CDYL: variants seen among roughly 807,000 people sequenced by gnomAD.
CDYL encodes chromodomain Y like, also known as chromodomain Y-like protein.
Under a neutral mutation model 47.3 loss-of-function variants are expected in CDYL, and 8 were observed. The observed-to-expected ratio is 0.17, with a 90% CI of 0.10 to 0.31. The LOEUF (loss-of-function observed/expected upper bound fraction) is 0.31. Among genes scored for constraint, CDYL ranks in the 10% least tolerant of loss-of-function variants. The pLI, the probability that CDYL is intolerant of heterozygous loss-of-function variation, is 1.00. For missense variants in CDYL, 471 were observed against 701.4 expected (o/e 0.67, Z 3.71); for synonymous variants, 266 against 265.0 (o/e 1.00, Z -0.04).
intron 1 of CDYL, chr6:4,890,019 A>G (rs1253317372): frequency 2.0e-6 from 2 of 985,540 alleles, no homozygotes; most frequent in South Asian, 4.7e-5. Flanking sequence ...AAACAAAAGC[A>G]GTGTGCTCCA....
rs534575715 is a variant in CDYL at position 4,734,700 on chromosome 6, A to T, written c.104-62A>T. On this transcript the variant is annotated intron_variant, in intron 2 of 8. Transcript: ENST00000328908. ...GTTGGGGGATGGGGATGGAGGGAAG[A>T]TGGGGATGGGGAAGAGGATGGGTCC... The T allele has an allele frequency of 1.9e-6, 3 of 1,598,202 alleles. No homozygotes were observed. The South Asian group carries it at 3.4e-5, about 18-fold the overall frequency.
intron 2 of CDYL, among the ~76,000 whole-genome samples, chr6:4,893,419 G>A (rs907705349): frequency 7.2e-5 from 11 of 152,214 alleles, no homozygotes; most frequent in Admixed American, 2.0e-4. Flanking sequence ...TTAGCCGGGC[G>A]TGGTGGCTCA....
At chr6:4,780,518 C>A (rs1028799851) in intron 1 of CDYL, among the ~76,000 whole-genome samples, 1 of 151,706 alleles carries the variant, frequency 6.6e-6, no homozygotes, top group Non-Finnish European at 1.5e-5. Context: ...ATCCGCCCAC[C>A]TTGGCCTCCC....
intron 1 of CDYL, among the ~76,000 whole-genome samples, chr6:4,713,532 C>T (rs1002878617): frequency 5.3e-5 from 8 of 151,646 alleles, no homozygotes; most frequent in African/African-American, 9.7e-5. Context: ...GCAGGTATTT[C>T]AGTATGACTT....
intron 2 of CDYL, among the ~76,000 whole-genome samples, chr6:4,921,750 C>T (rs1275724206): frequency 1.3e-5 from 2 of 152,146 alleles, no homozygotes; most frequent in African/African-American, 2.4e-5. Flanking sequence ...TATTTGGCCA[C>T]CTCCGTTTCT....
chr6:4,807,208 T>C (rs80262605), intron 1 of CDYL, among the ~76,000 whole-genome samples: 1,539 of 152,306 alleles, frequency 0.01, 38 homozygotes, highest in African/African-American at 0.035. Flanking sequence ...GGCTTCAATA[T>C]AGGAGTTTTA....
chr6:4,919,361 C>G (rs536069304), intron 2 of CDYL, among the ~76,000 whole-genome samples: 1 of 152,188 alleles, frequency 6.6e-6, no homozygotes, highest in Middle Eastern at 3.4e-3. Flanking sequence ...CTAAGATAGC[C>G]TCAAAATTGG....
chr6:4,765,745 G>C (rs1352597044), intron 3 of CDYL, among the ~76,000 whole-genome samples: 5 of 152,000 alleles, frequency 3.3e-5, no homozygotes, highest in Non-Finnish European at 7.4e-5. Context: ...TGTATTTTTA[G>C]CACAGATGGG....
rs923457060 is a variant in CDYL, at chr6:4,706,735, G to A, written c.-39+484G>A. Among the ~76,000 whole-genome samples the A allele has an allele frequency of 2.0e-5, 3 of 152,184 alleles. No homozygotes were observed. In the South Asian group the frequency reaches 6.2e-4, roughly 32 times the overall value. ...ATCCTGGAGGCAGAGCCTGCAGTGA[G>A]TCGAGATGGCACCACTGCACTCCAG... On this transcript the variant is annotated intron_variant, in intron 1 of 8. Transcript: ENST00000328908.
intron 1 of CDYL, among the ~76,000 whole-genome samples, chr6:4,806,526 T>C (rs1357059487): frequency 6.6e-6 from 1 of 152,230 alleles, no homozygotes; most frequent in Non-Finnish European, 1.5e-5. Context: ...TCCTGAGTGT[T>C]AACATCTTCT....
chr6:4,737,263 C>T (rs1305176647), intron 3 of CDYL, among the ~76,000 whole-genome samples: 2 of 152,004 alleles, frequency 1.3e-5, no homozygotes, highest in African/African-American at 2.4e-5. Flanking sequence ...ATAGAAGGAA[C>T]GATGGGGGAA....
At chr6:4,904,978 G>T (rs1176974720) in intron 2 of CDYL, among the ~76,000 whole-genome samples, 4 of 152,138 alleles carry the variant, frequency 2.6e-5, no homozygotes. Flanking sequence ...TGTGTGATCG[G>T]CCGTCCCTAT....
intron 2 of CDYL, among the ~76,000 whole-genome samples, chr6:4,724,215 ATTTT>A (rs35194498): frequency 6.8e-6 from 1 of 146,488 alleles, no homozygotes; most frequent in African/African-American, 2.5e-5. Flanking sequence ...TAATTTTTGT[ATTTT>A]TTTTTTTTAA....
chr6:4,748,360 A>G (rs1398930190), intron 3 of CDYL, among the ~76,000 whole-genome samples: 1 of 152,042 alleles, frequency 6.6e-6, no homozygotes, highest in East Asian at 1.9e-4. Flanking sequence ...TTCCAGGTGA[A>G]AAACATCATT....
At chr6:4,854,121 G>A (rs1387219471) in intron 1 of CDYL, among the ~76,000 whole-genome samples, 1 of 152,098 alleles carries the variant, frequency 6.6e-6, no homozygotes, top group Non-Finnish European at 1.5e-5. Context: ...CAGTGACAAA[G>A]CTGGGCCTGA....
rs376206066 is a variant in CDYL at position 4,935,524 on chromosome 6, C to T, written c.701C>T (p.Pro234Leu). 31 of 1,613,986 alleles carry T rather than the reference C, an allele frequency of 1.9e-5. No homozygotes were observed. The highest frequency in any genetic ancestry group is 8.9e-5 in the East Asian group (4 of 44,898). ...TTCAAACTCTCGGCAGGTACATCTC[C>T]GTTCATGGATGCATTAACAGCCAAT... ...GLAVNGKGTS[P>L]FMDALTANGT... The change falls in exon 3 of 7, where the codon CCG becomes CTG. Residue 234 changes from proline to leucine, a missense_variant. Pro to Leu is a moderately conservative substitution (Grantham distance 98, BLOSUM62 -3). Coordinates refer to ENST00000397588, the MANE Select transcript of CDYL (RefSeq NM_004824.4).
At chr6:4,876,659 A>C (rs1467349282) in intron 1 of CDYL, among the ~76,000 whole-genome samples, 1 of 151,706 alleles carries the variant, frequency 6.6e-6, no homozygotes, top group Admixed American at 6.5e-5. Context: ...CATATACTTT[A>C]GGGAGTATAT....
intron 2 of CDYL, among the ~76,000 whole-genome samples, chr6:4,910,232 C>T (rs1757371054): frequency 6.6e-6 from 1 of 152,114 alleles, no homozygotes; most frequent in South Asian, 2.1e-4. Context: ...TGTTTATTTA[C>T]TCAGTCTCAC....
At position 4,889,699 on chromosome 6, in the gene CDYL, G is replaced by T. The variant is rs1761989047; in HGVS notation, c.25-2014G>T. Among the ~76,000 whole-genome samples, 5 of 152,154 alleles carry T rather than the reference G, an allele frequency of 3.3e-5. No homozygotes were observed. In the South Asian group the frequency reaches 8.3e-4, roughly 25 times the overall value. ...GCTACTTCCTTGCTATAAGAACAGG[G>T]TTAAGTGATTGGGAGACCAGATGAC... is the stretch of plus-strand genomic sequence containing the variant. On this transcript the variant is annotated intron_variant, in intron 1 of 6. Transcript: ENST00000397588.
Sources: allele counts gnomAD v4.1 joint callset (sites outside exome capture counted in the v4.1 genomes callset), GRCh38; gene constraint gnomAD v4.1.1; transcripts MANE v1.5; gene names NCBI Gene and HGNC (gene_info 2026-07-23, HGNC 2026-07-21).